BTC: variants seen among roughly 807,000 people sequenced by gnomAD.
BTC encodes the protein probetacellulin.
BTC carries 13 observed loss-of-function variants against 18.1 expected under a neutral mutation model. The ratio of observed to expected loss-of-function variants is 0.72; its 90% CI spans 0.47 to 1.14. The LOEUF (loss-of-function observed/expected upper bound fraction) is 1.14, where lower values mean the gene tolerates loss of function less well. Among genes scored for constraint, BTC ranks in the 50% most tolerant of loss-of-function variants. The pLI is 0.00. For missense variants in BTC, 247 were observed against 224.2 expected, an observed-to-expected ratio of 1.10 and a Z score of -0.65; for synonymous variants, 83 against 79.4, an observed-to-expected ratio of 1.05 and a Z score of -0.24.
In BTC at chr4:74,746,032, C is replaced by T. The variant is rs1043593392; in HGVS notation, c.*645G>A. The stretch of plus-strand genomic sequence containing the variant: ...CGGTCTTGACATCTCACAATCATAC[C>T]AAAACACAGTTCAGTATAAAACCTT... On this transcript the variant is annotated 3_prime_UTR_variant, in exon 6 of 6. Transcript: ENST00000395743. The T allele has an allele frequency of 6.6e-6, 1 of 152,134 alleles. No homozygotes were observed. The highest frequency in any genetic ancestry group is 1.5e-5 in the Non-Finnish European group (1 of 68,018). The allele number at this position is 152,134 out of a possible 1,614,324, so 9.4% of individuals were successfully genotyped here.
intron 1 of BTC, among the ~76,000 whole-genome samples, chr4:74,779,000 C>A (rs1254718000): frequency 6.6e-6 from 1 of 152,060 alleles, no homozygotes; most frequent in African/African-American, 2.4e-5. Context: ...GAAAGACAGG[C>A]TTCTGGGTTT....
chr4:74,779,824 G>A (rs1192202837), intron 1 of BTC, among the ~76,000 whole-genome samples: 2 of 152,132 alleles, frequency 1.3e-5, no homozygotes, highest in East Asian at 3.8e-4. Context: ...ACCCAACTTA[G>A]CATCGAATTT....
intron 2 of BTC, among the ~76,000 whole-genome samples, chr4:74,761,265 A>G (rs540849937): frequency 1.3e-5 from 2 of 152,314 alleles, no homozygotes; most frequent in Admixed American, 6.5e-5. Flanking sequence ...AATGCATGCT[A>G]TAGAATTCTT....
intron 1 of BTC, among the ~76,000 whole-genome samples, chr4:74,791,868 A>G (rs927361501): frequency 1.3e-5 from 2 of 152,132 alleles, no homozygotes; most frequent in Non-Finnish European, 2.9e-5. Context: ...AACAATGCCC[A>G]GAAAGTTGTA....
chr4:74,784,795 A>G (rs1366820140), intron 1 of BTC, among the ~76,000 whole-genome samples: 1 of 152,202 alleles, frequency 6.6e-6, no homozygotes, highest in African/African-American at 2.4e-5. Flanking sequence ...GTGGTGGATA[A>G]GCTTTTTGAT....
At chr4:74,792,008 A>AC (rs1560728322) in intron 1 of BTC, among the ~76,000 whole-genome samples, 3,248 of 105,350 alleles carry the variant, frequency 0.031, 85 homozygotes, top group African/African-American at 0.09. Context: ...CACACACACA[A>AC]ACACTAGTGT....
chr4:74,777,480 T>C (rs879722589), intron 1 of BTC, among the ~76,000 whole-genome samples: 3 of 152,188 alleles, frequency 2.0e-5, no homozygotes, highest in Non-Finnish European at 4.4e-5. Flanking sequence ...TCACTGTGTA[T>C]AAAATATGTT....
intron 1 of BTC, among the ~76,000 whole-genome samples, chr4:74,793,002 G>A (rs150645896): frequency 5.3e-5 from 8 of 152,180 alleles, no homozygotes; most frequent in African/African-American, 1.9e-4. Flanking sequence ...TGCTGACTAC[G>A]ACAGATTCTC....
chr4:74,772,409 T>C (rs995753738), intron 1 of BTC, among the ~76,000 whole-genome samples: 3 of 152,210 alleles, frequency 2.0e-5, no homozygotes, highest in Non-Finnish European at 2.9e-5. Flanking sequence ...ACAGGAATTT[T>C]ATATTACTCA....
rs752227206 is a variant in BTC, at chr4:74,794,314, G to A, written c.12C>T (p.Ala4=). 1 of 1,547,390 alleles carries A rather than the reference G, an allele frequency of 6.5e-7. No individual in the cohort carries two copies. The highest frequency in any genetic ancestry group is 8.7e-7 in the Non-Finnish European group (1 of 1,146,040). MDR[A]ARCSGASSLP... ...GGGAGCTGGCGCCGCTGCACCGGGC[G>A]GCCCGGTCCATCAACCCCGCTCTGC... is the stretch of plus-strand genomic sequence containing the variant. Residue 4 remains alanine (A), a synonymous_variant, in exon 1 of 6, where the codon GCC becomes GCT. Transcript: ENST00000395743.
chr4:74,780,826 C>A (rs560918225), intron 1 of BTC, among the ~76,000 whole-genome samples: 8 of 151,226 alleles, frequency 5.3e-5, no homozygotes, highest in Non-Finnish European at 8.8e-5. Flanking sequence ...AAAAATTCTT[C>A]GTTATTGGTT....
intron 2 of BTC, among the ~76,000 whole-genome samples, chr4:74,765,696 G>T (rs1349173758): frequency 6.6e-6 from 1 of 152,032 alleles, no homozygotes; most frequent in African/African-American, 2.4e-5. Context: ...CAATCAAATT[G>T]TCAAAAGTTC....
At chr4:74,779,424 G>A (rs1425840371) in intron 1 of BTC, among the ~76,000 whole-genome samples, 1 of 152,082 alleles carries the variant, frequency 6.6e-6, no homozygotes, top group Non-Finnish European at 1.5e-5. Context: ...ATAATCTGAA[G>A]CTAGTTTCTC....
chr4:74,780,396 G>C (rs1030808266), intron 1 of BTC, among the ~76,000 whole-genome samples: 6 of 152,128 alleles, frequency 3.9e-5, no homozygotes, highest in African/African-American at 1.4e-4. Flanking sequence ...AAGGCAAATG[G>C]AAGTGAAGTT....
intron 2 of BTC, among the ~76,000 whole-genome samples, chr4:74,756,699 G>A (rs752695222): frequency 6.6e-5 from 10 of 152,140 alleles, no homozygotes; most frequent in Non-Finnish European, 1.2e-4. Flanking sequence ...TGCCTCCGTG[G>A]GCAATTGTGT....
At chr4:74,758,011 G>A (rs1362559280) in intron 2 of BTC, among the ~76,000 whole-genome samples, 5 of 152,186 alleles carry the variant, frequency 3.3e-5, no homozygotes, top group African/African-American at 9.7e-5. Context: ...AATTCTAACA[G>A]CAATCTCATA....
chr4:74,790,383 G>A (rs1259264252), intron 1 of BTC, among the ~76,000 whole-genome samples: 1 of 152,166 alleles, frequency 6.6e-6, no homozygotes, highest in East Asian at 1.9e-4. Context: ...TTACAGGTGA[G>A]TAAACTGGGC....
chr4:74,775,163 T>TA (rs1300295401), intron 1 of BTC, among the ~76,000 whole-genome samples: 1 of 152,126 alleles, frequency 6.6e-6, no homozygotes, highest in Non-Finnish European at 1.5e-5. Flanking sequence ...GTAGATGAGG[T>TA]ATAGATCCAC....
At chr4:74,783,703 G>C (rs2109915879) in intron 1 of BTC, among the ~76,000 whole-genome samples, 1 of 149,812 alleles carries the variant, frequency 6.7e-6, no homozygotes, top group African/African-American at 2.5e-5. Context: ...AAATTACACT[G>C]GGCAGCATGA....
Sources: allele counts gnomAD v4.1 joint callset (sites outside exome capture counted in the v4.1 genomes callset), GRCh38; gene constraint gnomAD v4.1.1; transcripts MANE v1.5; gene names NCBI Gene and HGNC (gene_info 2026-07-23, HGNC 2026-07-21).